Variants in SWAP70 observed in about 807,000 individuals in gnomAD.
SWAP70 encodes the protein switch-associated protein 70.
Under a neutral mutation model 80.2 loss-of-function variants are expected in SWAP70, and 34 were observed. The ratio of observed to expected loss-of-function variants is 0.42; its 90% CI spans 0.32 to 0.56. The LOEUF is 0.56. SWAP70 is among the 20% of genes least tolerant of loss of function. The pLI, the probability that SWAP70 is intolerant of heterozygous loss-of-function variation, is 0.09. For missense variants in SWAP70, 578 were observed against 690.7 expected, an observed-to-expected ratio of 0.84 and a Z score of 1.83; for synonymous variants, 239 against 238.5, an observed-to-expected ratio of 1.00 and a Z score of -0.02.
chr11:9,735,081 T>C (rs920668513), intron 7 of SWAP70, among the ~76,000 whole-genome samples: 4 of 152,224 alleles, frequency 2.6e-5, no homozygotes, highest in African/African-American at 9.6e-5. Context: ...ATTTCTACTT[T>C]TGTTTCTTTT....
chr11:9,675,119 A>C (rs1850471899), intron 1 of SWAP70, among the ~76,000 whole-genome samples: 1 of 152,086 alleles, frequency 6.6e-6, no homozygotes, highest in East Asian at 1.9e-4. Context: ...GCAACATAGT[A>C]AGACAAGAAA....
At position 9,728,122 on chromosome 11, in the gene SWAP70, A is replaced by T. The variant is rs1166461418; in HGVS notation, c.712A>T (p.Ile238Leu). ...TERWFVLKPN[I>L]ISYYVSEDLK... is the part of the protein sequence containing the mutation. ...AAGATGGTTTGTACTAAAACCCAACATAATTTCTTACTATGTGAGTGAGGA... is the reference window on the plus strand; with the variant it reads ...AAGATGGTTTGTACTAAAACCCAACTTAATTTCTTACTATGTGAGTGAGGA... The change falls in exon 5 of 12, where the codon ATA becomes TTA. Residue 238 changes from isoleucine to leucine, a missense_variant. Ile to Leu is a conservative substitution (Grantham distance 5). Coordinates refer to ENST00000318950, the MANE Select transcript of SWAP70 (RefSeq NM_015055.4). The T allele has an allele frequency of 1.9e-6, 3 of 1,613,086 alleles. No homozygotes were observed. The Admixed American group carries it at 5.0e-5, about 27-fold the overall frequency.
chr11:9,697,018 C>A (rs373728492), intron 2 of SWAP70, among the ~76,000 whole-genome samples: 6 of 151,966 alleles, frequency 3.9e-5, no homozygotes, highest in East Asian at 1.9e-4. Flanking sequence ...TCAAGACTAG[C>A]CTGAACAACA....
At chr11:9,664,362 G>C in intron 1 of SWAP70, 84 bp downstream of exon 1, 2 of 1,444,980 alleles carry the variant, frequency 1.4e-6, no homozygotes, top group Non-Finnish European at 1.9e-6. Flanking sequence ...GACCTGGCGG[G>C]CCGTGACCGC....
chr11:9,709,293 T>TA (rs35566060), intron 2 of SWAP70, among the ~76,000 whole-genome samples: 1 of 151,454 alleles, frequency 6.6e-6, no homozygotes, highest in African/African-American at 2.4e-5. Flanking sequence ...CTCAGCTAAT[T>TA]AAAAAAAATG....
chr11:9,701,362 G>T (rs1241693758), intron 2 of SWAP70, among the ~76,000 whole-genome samples: 2 of 151,868 alleles, frequency 1.3e-5, no homozygotes, highest in African/African-American at 4.8e-5. Context: ...AGTAGAGACG[G>T]GGTTTCACCA....
At chr11:9,730,529 C>G (rs1213691844) in intron 6 of SWAP70, among the ~76,000 whole-genome samples, 2 of 152,112 alleles carry the variant, frequency 1.3e-5, no homozygotes, top group East Asian at 1.9e-4. Flanking sequence ...TGGGTTGATT[C>G]CATATCTTAG....
chr11:9,709,429 G>A (rs1208001459), intron 2 of SWAP70, among the ~76,000 whole-genome samples: 1 of 152,212 alleles, frequency 6.6e-6, no homozygotes, highest in Non-Finnish European at 1.5e-5. Context: ...ACACCTTGCT[G>A]AGCTTGAGTT....
chr11:9,715,962 C>G (rs1851060721), intron 3 of SWAP70, among the ~76,000 whole-genome samples: 1 of 152,232 alleles, frequency 6.6e-6, no homozygotes, highest in African/African-American at 2.4e-5. Context: ...GCACTGTGCA[C>G]TAGCTGCAAC....
chr11:9,715,084 C>T (rs1015960609), intron 3 of SWAP70, among the ~76,000 whole-genome samples: 11 of 151,032 alleles, frequency 7.3e-5, no homozygotes, highest in Non-Finnish European at 1.6e-4. Context: ...AGGGGATCCT[C>T]CTGTCTCAGC....
At chr11:9,707,612 G>A (rs12284675) in intron 2 of SWAP70, among the ~76,000 whole-genome samples, 1 of 147,748 alleles carries the variant, frequency 6.8e-6, no homozygotes, top group Admixed American at 6.8e-5. Flanking sequence ...CTGGAGTGTA[G>A]TGGTGCGATC....
At chr11:9,674,704 C>T (rs1818974127) in intron 1 of SWAP70, among the ~76,000 whole-genome samples, 1 of 151,890 alleles carries the variant, frequency 6.6e-6, no homozygotes, top group Non-Finnish European at 1.5e-5. Flanking sequence ...GTGGCTCATG[C>T]CTGTAATCCC....
At chr11:9,704,227 A>G (rs1179869514) in intron 2 of SWAP70, among the ~76,000 whole-genome samples, 1 of 152,128 alleles carries the variant, frequency 6.6e-6, no homozygotes, top group Non-Finnish European at 1.5e-5. Flanking sequence ...CTTACTGTGT[A>G]TATATATGAC....
intron 2 of SWAP70, chr11:9,703,580 A>G (rs1026193638): frequency 2.3e-6 from 1 of 435,138 alleles, no homozygotes; most frequent in Non-Finnish European, 4.7e-6. Context: ...GCTCTCCTAT[A>G]ATGTGTTTCC....
At chr11:9,664,356 T>C (rs1850282627) in intron 1 of SWAP70, 78 bp downstream of exon 1, 2 of 1,434,668 alleles carry the variant, frequency 1.4e-6, no homozygotes, top group African/African-American at 1.5e-5. Context: ...AAGCGGGACC[T>C]GGCGGGCCGT....
intron 2 of SWAP70, among the ~76,000 whole-genome samples, chr11:9,698,404 G>C (rs1337468700): frequency 6.6e-6 from 1 of 150,862 alleles, no homozygotes; most frequent in Non-Finnish European, 1.5e-5. Context: ...CCTGACCTGG[G>C]TTCTTTTTTT....
intron 3 of SWAP70, among the ~76,000 whole-genome samples, chr11:9,715,357 T>C (rs1297014328): frequency 6.6e-6 from 1 of 152,120 alleles, no homozygotes; most frequent in Non-Finnish European, 1.5e-5. Context: ...GTGGAGGCTA[T>C]GCAATTTGGT....
rs757181382 is a variant in SWAP70 at position 9,724,705 on chromosome 11, G to C, written c.462G>C (p.Trp154Cys). The change falls in exon 4 of 12, where the codon TGG (tryptophan) becomes TGC (cysteine). Residue 154 changes from tryptophan to cysteine, a missense_variant. Coordinates refer to ENST00000318950, the MANE Select transcript of SWAP70 (RefSeq NM_015055.4). ...KKLTEAMGGG[W>C]QQEQFEHYKI... ...TTACAGAAGCTATGGGAGGAGGTTG[G>C]CAGCAAGAACAATTTGAACATTATA... 4 of 1,613,914 alleles carry C rather than the reference G, an allele frequency of 2.5e-6. No individual in the cohort carries two copies. In the African/African-American group the frequency reaches 5.3e-5, roughly 22 times the overall value.
chr11:9,738,251 AAAG>A lies in SWAP70; in HGVS notation c.1122_1124del (p.Lys375del). On this transcript the variant is annotated inframe_deletion, in exon 8 of 12. Transcript: ENST00000318950. ...CAGCATCTCGTGCAGCAGAAGAGGAAAAGAAACGCCTTCAGACTCAAGTGGAAC... is the reference window on the plus strand; with the variant it reads ...CAGCATCTCGTGCAGCAGAAGAGGAAAAACGCCTTCAGACTCAAGTGGAAC... 1 of 1,611,684 alleles carries A rather than the reference AAAG, an allele frequency of 6.2e-7. No individual in the cohort carries two copies. Among genetic ancestry groups the A allele is most frequent in the South Asian group, 1.1e-5 (1 of 90,654 alleles).
Sources: allele counts gnomAD v4.1 joint callset (sites outside exome capture counted in the v4.1 genomes callset), GRCh38; gene constraint gnomAD v4.1.1; transcripts MANE v1.5; gene names NCBI Gene and HGNC (gene_info 2026-07-23, HGNC 2026-07-21).